Variants in PPFIA2 observed in about 807,000 individuals in gnomAD.
PPFIA2 encodes the protein PPFI scaffold protein A2.
PPFIA2 carries 46 observed loss-of-function variants against 175.5 expected under a neutral mutation model. The observed-to-expected ratio is 0.26, with a 90% confidence interval of 0.21 to 0.34. The LOEUF is 0.34. PPFIA2 is among the 10% of genes least tolerant of loss of function. The probability of loss-of-function intolerance (pLI) is 1.00; values close to 1 mark genes in which losing one functional copy is unlikely to be tolerated. For missense variants in PPFIA2, 1,179 were observed against 1,506.1 expected, an observed-to-expected ratio of 0.78 and a Z score of 3.60; for synonymous variants, 568 against 511.4, an observed-to-expected ratio of 1.11 and a Z score of -1.49.
intron 4 of PPFIA2, among the ~76,000 whole-genome samples, chr12:81,656,534 G>A (rs1237394304): frequency 6.6e-6 from 1 of 151,944 alleles, no homozygotes; most frequent in African/African-American, 2.4e-5. Context: ...AAATAATTTT[G>A]CAGAAGGAGT....
intron 4 of PPFIA2, among the ~76,000 whole-genome samples, chr12:81,671,206 C>T (rs1007336539): frequency 2.0e-5 from 3 of 151,832 alleles, no homozygotes; most frequent in African/African-American, 2.4e-5. Context: ...CACTCAATTG[C>T]CAAACCAGAA....
intron 4 of PPFIA2, among the ~76,000 whole-genome samples, chr12:81,558,963 G>A (rs1013439333): frequency 2.0e-5 from 3 of 152,072 alleles, no homozygotes; most frequent in African/African-American, 4.8e-5. Flanking sequence ...ATTCTGATAA[G>A]TTCTTGAATT....
At chr12:81,579,357 A>T (rs2074067437) in intron 4 of PPFIA2, among the ~76,000 whole-genome samples, 1 of 151,808 alleles carries the variant, frequency 6.6e-6, no homozygotes, top group Non-Finnish European at 1.5e-5. Flanking sequence ...AACTAATCAC[A>T]TTTATTGTAG....
At chr12:81,276,814 GT>G (rs2040645933) in intron 28 of PPFIA2, among the ~76,000 whole-genome samples, 1 of 152,140 alleles carries the variant, frequency 6.6e-6, no homozygotes, top group Non-Finnish European at 1.5e-5. Context: ...TAATGAACTA[GT>G]TTGGTTTATA....
chr12:81,341,136 G>T lies in PPFIA2; in HGVS notation c.2335C>A (p.Pro779Thr). Reference protein sequence around the residue: ...IKCETSPPPTPRALRMTHTLP... With the variant: ...IKCETSPPPTTRALRMTHTLP... Reference sequence around the variant, plus strand: ...GTGTGAGTCATTCTGAGGGCTCTAGGGGTAGGAGGAGGAGAAGTTTCACAT... The same window carrying T: ...GTGTGAGTCATTCTGAGGGCTCTAGTGGTAGGAGGAGGAGAAGTTTCACAT... The change falls in exon 20 of 33, where the codon CCT becomes ACT. Residue 779 changes from proline (P) to threonine (T), a missense_variant. Pro to Thr is a conservative substitution (Grantham distance 38). This residue lies in a region of PPFIA2 where 223 missense variants were observed against 241.6 expected (regional missense o/e 0.92). Transcript: ENST00000549396. 2 of 1,611,484 alleles carry T rather than the reference G, an allele frequency of 1.2e-6. No individual in the cohort carries two copies. Among genetic ancestry groups the T allele is most frequent in the Non-Finnish European group, 1.7e-6 (2 of 1,178,114 alleles).
intron 4 of PPFIA2, among the ~76,000 whole-genome samples, chr12:81,615,306 G>A (rs932821150): frequency 6.6e-6 from 1 of 152,186 alleles, no homozygotes; most frequent in Non-Finnish European, 1.5e-5. Flanking sequence ...TCTTGCACAT[G>A]TTGAGTTTGA....
At chr12:81,703,704 ACACCTCACCTC>A (rs2076770433) in intron 3 of PPFIA2, among the ~76,000 whole-genome samples, 1 of 151,888 alleles carries the variant, frequency 6.6e-6, no homozygotes, top group Admixed American at 6.6e-5. Context: ...TGCCTTGGCT[ACACCTCACCTC>A]CACCTCACCT....
chr12:81,475,495 T>C (rs779530110), intron 4 of PPFIA2, among the ~76,000 whole-genome samples: 1 of 152,236 alleles, frequency 6.6e-6, no homozygotes, highest in Non-Finnish European at 1.5e-5. Flanking sequence ...TTGCTATTTA[T>C]TATTTCTCCT....
chr12:81,515,291 A>G (rs904657904), intron 4 of PPFIA2, among the ~76,000 whole-genome samples: 2 of 151,882 alleles, frequency 1.3e-5, no homozygotes, highest in Non-Finnish European at 2.9e-5. Context: ...ATCAAAAGAA[A>G]CCTTTCCTGT....
chr12:81,454,671 A>G (rs565515514), intron 5 of PPFIA2, among the ~76,000 whole-genome samples: 4 of 152,266 alleles, frequency 2.6e-5, no homozygotes, highest in African/African-American at 9.6e-5. Flanking sequence ...ATAACATTCA[A>G]AATTAATACA....
At chr12:81,642,361 C>A (rs117615341) in intron 4 of PPFIA2, among the ~76,000 whole-genome samples, 1 of 151,576 alleles carries the variant, frequency 6.6e-6, no homozygotes, top group Non-Finnish European at 1.5e-5. Flanking sequence ...CTGGCCTTAG[C>A]TTTTACATCT....
intron 28 of PPFIA2, among the ~76,000 whole-genome samples, chr12:81,276,004 T>G (rs2040426809): frequency 6.6e-6 from 1 of 152,160 alleles, no homozygotes. Flanking sequence ...CAGGATGGTC[T>G]TGATCTCCTG....
At chr12:81,415,804 T>C (rs1387509340) in intron 7 of PPFIA2, among the ~76,000 whole-genome samples, 1 of 151,344 alleles carries the variant, frequency 6.6e-6, no homozygotes, top group African/African-American at 2.4e-5. Flanking sequence ...TATTCAACAA[T>C]AGTAATTTTG....
intron 3 of PPFIA2, among the ~76,000 whole-genome samples, chr12:81,704,110 A>C (rs2076819991): frequency 6.6e-6 from 1 of 152,116 alleles, no homozygotes; most frequent in African/African-American, 2.4e-5. Context: ...GTTCTAGTAC[A>C]TTTCCTGGAC....
chr12:81,736,271 G>A (rs2081562328), intron 3 of PPFIA2, among the ~76,000 whole-genome samples: 1 of 151,790 alleles, frequency 6.6e-6, no homozygotes, highest in African/African-American at 2.4e-5. Flanking sequence ...CATGTATTTT[G>A]TTTAATTTAC....
At chr12:81,569,753 T>C (rs1048083426) in intron 4 of PPFIA2, among the ~76,000 whole-genome samples, 1 of 152,202 alleles carries the variant, frequency 6.6e-6, no homozygotes, top group African/African-American at 2.4e-5. Context: ...AATACAAGGA[T>C]ACTGCAAAGA....
intron 4 of PPFIA2, among the ~76,000 whole-genome samples, chr12:81,503,907 T>TA (rs1302249393): frequency 1.3e-5 from 2 of 151,896 alleles, no homozygotes; most frequent in Non-Finnish European, 1.5e-5. Flanking sequence ...CTGTAGCATT[T>TA]AAAAAAATAC....
At chr12:81,583,915 C>G (rs558009242) in intron 4 of PPFIA2, among the ~76,000 whole-genome samples, 3 of 151,916 alleles carry the variant, frequency 2.0e-5, no homozygotes, top group Non-Finnish European at 2.9e-5. Context: ...TAAAATACTT[C>G]TTTACTTATG....
chr12:81,529,463 A>G (rs2153276074), intron 4 of PPFIA2, among the ~76,000 whole-genome samples: 1 of 151,876 alleles, frequency 6.6e-6, no homozygotes, highest in South Asian at 2.1e-4. Flanking sequence ...GGAAGAAATA[A>G]CCTCCCAAGG....
Sources: gnomAD v4.1 joint callset for allele counts (sites outside exome capture counted in the v4.1 genomes callset) on GRCh38, gnomAD v4.1.1 for gene constraint, gnomAD v4.1.1 regional missense constraint, MANE v1.5 for transcripts, NCBI Gene and HGNC (gene_info 2026-07-23, HGNC 2026-07-21) for gene names.